FGGY: variants seen among roughly 807,000 people sequenced by gnomAD.
FGGY encodes the protein FGGY carbohydrate kinase domain-containing protein.
Under a neutral mutation model 71.3 loss-of-function variants are expected in FGGY, and 72 were observed. That is an observed-to-expected ratio of 1.01 (90% confidence interval 0.84 to 1.23). The LOEUF is 1.23. Among genes scored for constraint, FGGY ranks in the 50% most tolerant of loss-of-function variants. FGGY has a pLI of 0.00. For synonymous variants in FGGY, 251 were observed against 250.3 expected (o/e 1.00, Z -0.02); for missense variants, 668 against 682.3 (o/e 0.98, Z 0.23).
At chr1:59,661,168 A>ATATGT (rs1462043833) in intron 12 of FGGY, among the ~76,000 whole-genome samples, 2 of 152,374 alleles carry the variant, frequency 1.3e-5, no homozygotes, top group African/African-American at 4.8e-5. Flanking sequence ...ATACGTACAT[A>ATATGT]TATGATATTC....
At chr1:59,369,438 C>A (rs1571122451) in intron 4 of FGGY, among the ~76,000 whole-genome samples, 2 of 152,212 alleles carry the variant, frequency 1.3e-5, no homozygotes, top group African/African-American at 4.8e-5. Flanking sequence ...CCCACCACAG[C>A]TCAAGGAGGC....
chr1:59,550,857 G>C (rs750164176), intron 7 of FGGY, among the ~76,000 whole-genome samples: 3 of 152,160 alleles, frequency 2.0e-5, no homozygotes, highest in Non-Finnish European at 2.9e-5. Context: ...TCAAATCCTG[G>C]CACTGCTTCT....
chr1:59,565,318 A>G lies in FGGY; in HGVS notation c.903+11091A>G, dbSNP rs375861133. ...TTTTTTTAAGACAGAGTCTTGTCGC[A>G]CTCTTGCTCAGGCTGGGGTGCAGGT... On this transcript the variant is annotated intron_variant, in intron 8 of 15. Coordinates refer to ENST00000303721, the MANE Select transcript of FGGY (RefSeq NM_018291.5). Among the ~76,000 whole-genome samples, 218 of 151,472 alleles carry G rather than the reference A, an allele frequency of 1.4e-3. 7 individuals carry two copies. The South Asian group carries it at 0.045, about 31-fold the overall frequency.
At chr1:59,334,087 T>C (rs1367682959) in intron 2 of FGGY, among the ~76,000 whole-genome samples, 1 of 152,182 alleles carries the variant, frequency 6.6e-6, no homozygotes, top group Non-Finnish European at 1.5e-5. Flanking sequence ...GCAAGTTCCT[T>C]AACCTCTCTG....
chr1:59,690,890 G>A (rs2097582138), intron 14 of FGGY, among the ~76,000 whole-genome samples: 2 of 152,216 alleles, frequency 1.3e-5, no homozygotes, highest in African/African-American at 4.8e-5. Flanking sequence ...GTAAACTGCT[G>A]CTTAACGGTT....
chr1:59,424,037 A>G (rs2065900683), intron 5 of FGGY, among the ~76,000 whole-genome samples: 1 of 152,246 alleles, frequency 6.6e-6, no homozygotes, highest in African/African-American at 2.4e-5. Context: ...ACTTACAGTC[A>G]GTGTGTAATA....
intron 2 of FGGY, among the ~76,000 whole-genome samples, chr1:59,335,805 A>G (rs1160720058): frequency 6.6e-6 from 1 of 151,998 alleles, no homozygotes; most frequent in Non-Finnish European, 1.5e-5. Flanking sequence ...CCATTTGTAT[A>G]TTTTCTTTGC....
intron 6 of FGGY, among the ~76,000 whole-genome samples, chr1:59,460,256 C>G (rs185928406): frequency 6.6e-6 from 1 of 152,214 alleles, no homozygotes; most frequent in African/African-American, 2.4e-5. Context: ...TATCCTGCGC[C>G]TGGCTCGGCG....
At chr1:59,478,875 C>G (rs644889) in intron 6 of FGGY, among the ~76,000 whole-genome samples, 78,703 of 151,890 alleles carry the variant, frequency 0.52, 21,024 homozygotes, top group African/African-American at 0.65. Context: ...GGAGATTTTA[C>G]AAGGGGAGGG....
At chr1:59,306,991 T>C (rs1486842513) in intron 1 of FGGY, among the ~76,000 whole-genome samples, 1 of 151,868 alleles carries the variant, frequency 6.6e-6, no homozygotes, top group Non-Finnish European at 1.5e-5. Flanking sequence ...TATTGCAAGA[T>C]GAAAATTGAG....
intron 1 of FGGY, among the ~76,000 whole-genome samples, chr1:59,302,413 T>C (rs959764910): frequency 1.3e-5 from 2 of 152,224 alleles, no homozygotes; most frequent in Non-Finnish European, 2.9e-5. Context: ...TCAGTCTAAA[T>C]GCCGGTCAAT....
intron 11 of FGGY, chr1:59,641,292 T>A: frequency 6.2e-7 from 1 of 1,609,530 alleles, no homozygotes; most frequent in Non-Finnish European, 8.5e-7. Flanking sequence ...AACCACTGGA[T>A]ATCTGTATAT....
chr1:59,440,629 A>G (rs915001308), intron 5 of FGGY, among the ~76,000 whole-genome samples: 3 of 149,426 alleles, frequency 2.0e-5, no homozygotes, highest in Non-Finnish European at 4.4e-5. Context: ...TACTAGGAAG[A>G]CTAAAATGTA....
intron 14 of FGGY, among the ~76,000 whole-genome samples, chr1:59,735,315 C>T (rs1430361349): frequency 6.6e-6 from 1 of 152,178 alleles, no homozygotes. Flanking sequence ...ATCTTGTCTC[C>T]ACAGAACCAC....
intron 4 of FGGY, among the ~76,000 whole-genome samples, chr1:59,360,515 C>T (rs948518113): frequency 1.3e-5 from 2 of 152,176 alleles, no homozygotes; most frequent in Non-Finnish European, 2.9e-5. Flanking sequence ...TTCCCCCAGG[C>T]TTTTTACCTA....
At chr1:59,732,894 C>T (rs1404784857) in intron 14 of FGGY, among the ~76,000 whole-genome samples, 1 of 152,078 alleles carries the variant, frequency 6.6e-6, no homozygotes, top group Non-Finnish European at 1.5e-5. Flanking sequence ...TTCCAAAACC[C>T]ATCACATGGC....
chr1:59,306,929 G>A (rs1392178300), intron 1 of FGGY, among the ~76,000 whole-genome samples: 2 of 152,164 alleles, frequency 1.3e-5, no homozygotes, highest in African/African-American at 2.4e-5. Context: ...CTTGGATTCT[G>A]CTAAACAGGC....
chr1:59,400,640 C>T (rs1022153118), intron 5 of FGGY, among the ~76,000 whole-genome samples: 3 of 151,350 alleles, frequency 2.0e-5, no homozygotes, highest in Non-Finnish European at 2.9e-5. Flanking sequence ...TTTCCTTGTG[C>T]AATGTGGAAA....
intron 14 of FGGY, among the ~76,000 whole-genome samples, chr1:59,709,991 T>C (rs2097782809): frequency 6.6e-6 from 1 of 152,268 alleles, no homozygotes. Context: ...TTTCCACACC[T>C]ATGCTCATCT....
Sources: allele counts gnomAD v4.1 joint callset (sites outside exome capture counted in the v4.1 genomes callset), GRCh38; gene constraint gnomAD v4.1.1; transcripts MANE v1.5; gene names NCBI Gene and HGNC (gene_info 2026-07-23, HGNC 2026-07-21).